The following KCNMB2 variants were observed in gnomAD, a reference collection of about 807,000 sequenced individuals.
The protein encoded by KCNMB2 is calcium-activated potassium channel subunit beta-2.
In KCNMB2, 9 loss-of-function variants were observed where a neutral mutation model predicts 24.5. The ratio of observed to expected loss-of-function variants is 0.37; its 90% CI spans 0.22 to 0.64. The LOEUF (loss-of-function observed/expected upper bound fraction) is 0.64, where lower values mean the gene tolerates loss of function less well. KCNMB2 is among the 30% of genes least tolerant of loss of function. KCNMB2 has a pLI of 0.63. For synonymous variants in KCNMB2, 109 were observed against 104.4 expected (o/e 1.04, Z -0.27); for missense variants, 226 against 284.3 (o/e 0.79, Z 1.47).
chr3:178,737,547 C>G (rs1200374490), intron 1 of KCNMB2, among the ~76,000 whole-genome samples: 1 of 152,116 alleles, frequency 6.6e-6, no homozygotes, highest in African/African-American at 2.4e-5. Flanking sequence ...TAAAACTTGT[C>G]TATAATATCA....
At chr3:178,588,462 T>C (rs1354490990) in intron 1 of KCNMB2, among the ~76,000 whole-genome samples, 1 of 152,182 alleles carries the variant, frequency 6.6e-6, no homozygotes, top group East Asian at 1.9e-4. Context: ...ACTTCTCACC[T>C]GTGTCGTGTC....
chr3:178,730,655 G>C (rs561665130), intron 1 of KCNMB2, among the ~76,000 whole-genome samples: 1 of 152,204 alleles, frequency 6.6e-6, no homozygotes, highest in African/African-American at 2.4e-5. Flanking sequence ...GCTCAATCCT[G>C]CCAACTTCTT....
intron 1 of KCNMB2, among the ~76,000 whole-genome samples, chr3:178,793,024 A>C (rs561559293): frequency 6.6e-6 from 1 of 152,268 alleles, no homozygotes; most frequent in East Asian, 1.9e-4. Context: ...CAGCCCAGTA[A>C]ACACAGCCAC....
chr3:178,694,761 G>T (rs1451910359), intron 1 of KCNMB2, among the ~76,000 whole-genome samples: 1 of 152,182 alleles, frequency 6.6e-6, no homozygotes, highest in Non-Finnish European at 1.5e-5. Context: ...GAACAGTTCT[G>T]CCCATGTGGC....
intron 1 of KCNMB2, among the ~76,000 whole-genome samples, chr3:178,568,190 A>G (rs938226778): frequency 3.9e-5 from 6 of 152,166 alleles, no homozygotes; most frequent in Non-Finnish European, 7.4e-5. Flanking sequence ...TTTAATATAT[A>G]CTCAGACACA....
intron 1 of KCNMB2, among the ~76,000 whole-genome samples, chr3:178,580,896 T>C (rs1717175250): frequency 2.6e-5 from 4 of 152,160 alleles, no homozygotes; most frequent in African/African-American, 7.2e-5. Context: ...AAACATTCCA[T>C]GCTCATGGAT....
At position 178,594,485 on chromosome 3, in the gene KCNMB2, A is replaced by G. The variant is rs908772589; in HGVS notation, c.-68+57774A>G. Among the ~76,000 whole-genome samples, 9 of 152,234 alleles carry G rather than the reference A, an allele frequency of 5.9e-5. 1 individual carries two copies. The highest frequency in any genetic ancestry group is 2.2e-4 in the African/African-American group (9 of 41,528). On this transcript the variant is annotated intron_variant, in intron 1 of 4. Coordinates refer to ENST00000452583, the MANE Select transcript of KCNMB2 (RefSeq NM_181361.3). ...GTAGGTGTGACAGAATGAAGAAATC[A>G]AAGATGACCCCCATGTTTGGGGTCA... is the stretch of plus-strand genomic sequence containing the variant.
chr3:178,829,774 G>A (rs1251436248), intron 4 of KCNMB2, among the ~76,000 whole-genome samples: 1 of 152,034 alleles, frequency 6.6e-6, no homozygotes, highest in African/African-American at 2.4e-5. Context: ...CATTATTTAG[G>A]CTATAAACGG....
At chr3:178,687,851 A>G (rs1721520645) in intron 1 of KCNMB2, among the ~76,000 whole-genome samples, 1 of 152,126 alleles carries the variant, frequency 6.6e-6, no homozygotes, top group Admixed American at 6.6e-5. Context: ...TCTGCAAACT[A>G]CTTATTTTTA....
intron 1 of KCNMB2, among the ~76,000 whole-genome samples, chr3:178,641,609 T>C (rs1719729119): frequency 6.6e-6 from 1 of 152,268 alleles, no homozygotes; most frequent in South Asian, 2.1e-4. Flanking sequence ...TAATCATATG[T>C]ATGAATAAAG....
intron 1 of KCNMB2, among the ~76,000 whole-genome samples, chr3:178,768,905 CAT>C (rs1712232851): frequency 1.3e-5 from 2 of 152,190 alleles, no homozygotes; most frequent in South Asian, 2.1e-4. Context: ...TTTAGTTTCA[CAT>C]GAGTGAAATC....
intron 1 of KCNMB2, among the ~76,000 whole-genome samples, chr3:178,576,699 C>T (rs1577022684): frequency 6.6e-6 from 1 of 152,166 alleles, no homozygotes; most frequent in Admixed American, 6.5e-5. Flanking sequence ...AGGCAATTTT[C>T]CCCTCACAGT....
At chr3:178,768,210 A>T (rs1350093783) in intron 1 of KCNMB2, among the ~76,000 whole-genome samples, 3 of 152,108 alleles carry the variant, frequency 2.0e-5, no homozygotes, top group Non-Finnish European at 4.4e-5. Context: ...CTGCTGTGGC[A>T]GCATCTCCTT....
intron 4 of KCNMB2, among the ~76,000 whole-genome samples, chr3:178,840,388 G>A (rs1715386102): frequency 6.6e-6 from 1 of 152,132 alleles, no homozygotes; most frequent in African/African-American, 2.4e-5. Flanking sequence ...ATCCTTCTGG[G>A]GTCTGAAGGA....
intron 1 of KCNMB2, among the ~76,000 whole-genome samples, chr3:178,797,095 C>T (rs943583385): frequency 2.0e-5 from 3 of 152,050 alleles, no homozygotes; most frequent in African/African-American, 7.2e-5. Context: ...TCATTAGAGA[C>T]TACTACGAGC....
intron 1 of KCNMB2, among the ~76,000 whole-genome samples, chr3:178,592,363 C>T (rs541261603): frequency 6.6e-6 from 1 of 152,258 alleles, no homozygotes; most frequent in Admixed American, 6.5e-5. Flanking sequence ...CACAAGAGAG[C>T]AACCACATCT....
intron 1 of KCNMB2, among the ~76,000 whole-genome samples, chr3:178,581,079 A>G (rs1240732974): frequency 1.3e-5 from 2 of 152,194 alleles, no homozygotes; most frequent in African/African-American, 4.8e-5. Flanking sequence ...TAGCAAAAGA[A>G]CAAAGCTGGA....
chr3:178,680,710 GC>G (rs1721241079), intron 1 of KCNMB2, among the ~76,000 whole-genome samples: 1 of 152,088 alleles, frequency 6.6e-6, no homozygotes, highest in African/African-American at 2.4e-5. Context: ...TCCTGGTTTT[GC>G]TCACTCCTCA....
intron 1 of KCNMB2, among the ~76,000 whole-genome samples, chr3:178,738,813 T>C (rs112802603): frequency 6.6e-6 from 1 of 152,148 alleles, no homozygotes; most frequent in East Asian, 1.9e-4. Context: ...AACTTTGTCT[T>C]TACCAGCATC....
Sources: allele counts gnomAD v4.1 joint callset (sites outside exome capture counted in the v4.1 genomes callset), GRCh38; gene constraint gnomAD v4.1.1; transcripts MANE v1.5; gene names NCBI Gene and HGNC (gene_info 2026-07-23, HGNC 2026-07-21).